Variants in GAL3ST2 observed in about 807,000 individuals in gnomAD.
GAL3ST2 encodes the protein galactose-3-O-sulfotransferase 2.
GAL3ST2 carries 16 observed loss-of-function variants against 12.9 expected under a neutral mutation model. That is an observed-to-expected ratio of 1.24 (90% CI 0.84 to 1.88). The LOEUF (loss-of-function observed/expected upper bound fraction) is 1.88. Among genes scored for constraint, GAL3ST2 ranks in the 40% most tolerant of loss-of-function variants. The pLI is 0.00. For synonymous variants in GAL3ST2, 302 were observed against 273.9 expected, an observed-to-expected ratio of 1.10 and a Z score of -1.01; for missense variants, 639 against 571.8, an observed-to-expected ratio of 1.12 and a Z score of -1.20.
In GAL3ST2 at chr2:241,804,229, G is replaced by A; in HGVS notation, c.*63G>A. 7.6e-7 allele frequency: 1 copy of A among 1,324,366 alleles called. No homozygotes were observed. The highest frequency in any genetic ancestry group is 3.1e-5 in the East Asian group (1 of 32,426). The allele number at this position is 1,324,366 out of a possible 1,614,324, so 82.0% of individuals were successfully genotyped here. A position where few individuals can be genotyped will look rare whatever the true frequency, so the allele number is the denominator to read the frequency against. On this transcript the variant is annotated 3_prime_UTR_variant, in exon 4 of 4. Transcript: ENST00000192314. ...AGCTCCTCTCTCCGCCGTCACCGGG[G>A]AGGCCGGGGATCCTTGCAGGGCTTC...
At position 241,793,720 on chromosome 2, in the gene GAL3ST2, ATGTG is replaced by A. The variant is rs1263109959; in HGVS notation, c.30-5341_30-5338del. 2.5e-4 allele frequency among the ~76,000 whole-genome samples: 37 copies of A among 150,622 alleles called. No homozygotes were observed. Among genetic ancestry groups the A allele is most frequent in the African/African-American group, 5.9e-4 (24 of 40,904 alleles). The stretch of plus-strand genomic sequence containing the variant: ...ATGTGTATGTACGTATTGTGTATGC[ATGTG>A]TGTATGTGTGTATATGTATGTGTGT... On this transcript the variant is annotated intron_variant, in intron 1 of 3. Coordinates refer to ENST00000192314, the MANE Select transcript of GAL3ST2 (RefSeq NM_022134.3). The surrounding 1 kb of genome is among the most constrained non-coding windows in gnomAD (Gnocchi z 4.7).
At position 241,802,027 on chromosome 2, in the gene GAL3ST2, C is replaced by A; in HGVS notation, c.366C>A (p.Asn122Lys). ...TCATGTGCAACCACCTGAGGTTCAACCTGCCTCAGGTACCGCGGGCCTGCT... is the reference window on the plus strand; with the variant it reads ...TCATGTGCAACCACCTGAGGTTCAAACTGCCTCAGGTACCGCGGGCCTGCT... Reference protein sequence around the residue: ...FNIMCNHLRFNLPQVQKVMPN... With the variant: ...FNIMCNHLRFKLPQVQKVMPN... The change falls in exon 3 of 4, where the codon AAC becomes AAA. Residue 122 changes from asparagine to lysine, a missense_variant. Transcript: ENST00000192314. This position sits in a 1 kb window ranked among gnomAD's most constrained non-coding sequence, Gnocchi z 4.8. The A allele has an allele frequency of 6.2e-7, 1 of 1,610,930 alleles. No individual in the cohort carries two copies. Among genetic ancestry groups the A allele is most frequent in the East Asian group, 2.2e-5 (1 of 44,798 alleles).
chr2:241,798,947 G>A (rs1487521280), intron 1 of GAL3ST2, 118 bp from the exon 2 acceptor site: 1 of 781,478 alleles, frequency 1.3e-6, no homozygotes, highest in African/African-American at 1.7e-5. Context: ...AGACGTTACA[G>A]AGGTGAGGGG....
In GAL3ST2 at chr2:241,802,224, C is replaced by CGCCT. The variant is rs1699862389; in HGVS notation, c.375+192_375+195dup. ...ACCCCTGCCCCTCCAGGCGGCCAGTCGCCTGCCGTTGCTCTTGGAATGAGA... is the reference window on the plus strand; with the variant it reads ...ACCCCTGCCCCTCCAGGCGGCCAGTCGCCTGCCTGCCGTTGCTCTTGGAATGAGA... On this transcript the variant is annotated intron_variant, in intron 3 of 3. Transcript: ENST00000192314. This position sits in a 1 kb window ranked among gnomAD's most constrained non-coding sequence, Gnocchi z 4.8. Among the ~76,000 whole-genome samples the CGCCT allele has an allele frequency of 2.0e-5, 3 of 152,160 alleles. No individual in the cohort carries two copies. Among genetic ancestry groups the CGCCT allele is most frequent in the African/African-American group, 4.8e-5 (2 of 41,432 alleles).
intron 1 of GAL3ST2, among the ~76,000 whole-genome samples, chr2:241,784,126 C>T (rs766917748): frequency 2.0e-5 from 3 of 151,814 alleles, no homozygotes; most frequent in Non-Finnish European, 2.9e-5. Context: ...CTCCGTCTCC[C>T]GGGTTCATGC....
intron 1 of GAL3ST2, among the ~76,000 whole-genome samples, chr2:241,781,142 T>C (rs187046360): frequency 1.4e-4 from 21 of 152,336 alleles, no homozygotes; most frequent in Non-Finnish European, 1.9e-4. Flanking sequence ...ACAAATATGC[T>C]TGAAATTTTG....
At chr2:241,792,744 CG>C (rs956936695) in intron 1 of GAL3ST2, among the ~76,000 whole-genome samples, 2 of 151,946 alleles carry the variant, frequency 1.3e-5, no homozygotes, top group African/African-American at 2.4e-5. Flanking sequence ...AAAGAGAAAA[CG>C]GGGGGAAATG....
intron 1 of GAL3ST2, among the ~76,000 whole-genome samples, chr2:241,783,806 A>G (rs954248554): frequency 6.6e-6 from 1 of 152,130 alleles, no homozygotes; most frequent in African/African-American, 2.4e-5. Context: ...GTTGCTTCTA[A>G]CCTCCAGGCC....
Position 241,801,339 on chromosome 2 carries a change from C to G in GAL3ST2, c.120-442C>G. 1 of 161,774 alleles carries G rather than the reference C, an allele frequency of 6.2e-6. No individual in the cohort carries two copies. 10.0% of individuals were successfully genotyped at this position (161,774 alleles called of 1,614,324 possible). ...AGTATTCCGTGGTGTAGATGTGCCA[C>G]ATTTTCTTTACGGTCTCTATGTAAC... On this transcript the variant is annotated intron_variant, in intron 2 of 3. Transcript: ENST00000192314. This position sits in a 1 kb window ranked among gnomAD's most constrained non-coding sequence, Gnocchi z 4.4.
chr2:241,779,772 G>C (rs1222291152), intron 1 of GAL3ST2, among the ~76,000 whole-genome samples: 1 of 151,460 alleles, frequency 6.6e-6, no homozygotes, highest in African/African-American at 2.4e-5. Flanking sequence ...GATCACCTGA[G>C]ATCAGGAGTT....
In GAL3ST2 at chr2:241,793,052, C is replaced by G. The variant is rs941211889; in HGVS notation, c.30-6013C>G. 6.6e-6 allele frequency among the ~76,000 whole-genome samples: 1 copy of G among 152,168 alleles called. No homozygotes were observed. Among genetic ancestry groups the G allele is most frequent in the Non-Finnish European group, 1.5e-5 (1 of 68,028 alleles). ...CGAACCAATGTTCGTCCTGCATATGCGGACTGATGTCTCATGTCTCCCTAC... is the reference window on the plus strand; with the variant it reads ...CGAACCAATGTTCGTCCTGCATATGGGGACTGATGTCTCATGTCTCCCTAC... On this transcript the variant is annotated intron_variant, in intron 1 of 3. Coordinates refer to ENST00000192314, the MANE Select transcript of GAL3ST2 (RefSeq NM_022134.3). This position sits in a 1 kb window ranked among gnomAD's most constrained non-coding sequence, Gnocchi z 4.7.
intron 1 of GAL3ST2, among the ~76,000 whole-genome samples, chr2:241,781,490 G>A (rs1699565544): frequency 6.6e-6 from 1 of 152,128 alleles, no homozygotes; most frequent in Non-Finnish European, 1.5e-5. Flanking sequence ...ACAATTGCCT[G>A]TGGATGATAA....
At chr2:241,777,036 T>TAAAACAG in intron 1 of GAL3ST2, 52 bp downstream of exon 1, 2 of 1,412,754 alleles carry the variant, frequency 1.4e-6, no homozygotes, top group Non-Finnish European at 1.9e-6. Flanking sequence ...CATCTGTGGC[T>TAAAACAG]ATTCTGAGAG....
chr2:241,789,871 A>AT (rs1559414458), intron 1 of GAL3ST2, among the ~76,000 whole-genome samples: 1 of 151,994 alleles, frequency 6.6e-6, no homozygotes, highest in Non-Finnish European at 1.5e-5. Flanking sequence ...CAAAAAAAAA[A>AT]GAAAGAAAAA....
chr2:241,786,139 T>TGTGTGTGTGTGTGTGTG (rs1553615798), intron 1 of GAL3ST2, among the ~76,000 whole-genome samples: 1,556 of 145,918 alleles, frequency 0.011, 64 homozygotes, highest in Admixed American at 0.064. Context: ...CACACACCTT[T>TGTGTGTGTGTGTGTGTG]TGTGTGTGTG....
At position 241,801,762 on chromosome 2, in the gene GAL3ST2, C is replaced by G. The variant is rs778971076; in HGVS notation, c.120-19C>G. ...GCATCTGCACCCTTGCTGAAGGCTGCGTGTGCCTTCCCTCCCAGCCTGTTT... is the reference window on the plus strand; with the variant it reads ...GCATCTGCACCCTTGCTGAAGGCTGGGTGTGCCTTCCCTCCCAGCCTGTTT... On this transcript the variant is annotated intron_variant, in intron 2 of 3. Coordinates refer to ENST00000192314, the MANE Select transcript of GAL3ST2 (RefSeq NM_022134.3). The surrounding 1 kb of genome is among the most constrained non-coding windows in gnomAD (Gnocchi z 4.4). The G allele has an allele frequency of 1.2e-6, 2 of 1,608,140 alleles. No homozygotes were observed. Among genetic ancestry groups the G allele is most frequent in the African/African-American group, 2.7e-5 (2 of 74,832 alleles).
intron 1 of GAL3ST2, among the ~76,000 whole-genome samples, chr2:241,792,433 C>T (rs947784247): frequency 2.7e-5 from 4 of 149,278 alleles, no homozygotes; most frequent in African/African-American, 9.9e-5. Context: ...AAGAAAATAA[C>T]AGCAACCTAT....
At chr2:241,778,688 G>A (rs961189401) in intron 1 of GAL3ST2, among the ~76,000 whole-genome samples, 51 of 152,134 alleles carry the variant, frequency 3.4e-4, no homozygotes, top group African/African-American at 1.2e-3. Context: ...AGCCTCAGGA[G>A]GTCCTGATGA....
chr2:241,783,635 G>A (rs559012123), intron 1 of GAL3ST2, among the ~76,000 whole-genome samples: 68 of 152,092 alleles, frequency 4.5e-4, no homozygotes, highest in African/African-American at 1.3e-3. Flanking sequence ...AAATTATGAC[G>A]TTTGTCTGCA....
Sources: allele counts gnomAD v4.1 joint callset (sites outside exome capture counted in the v4.1 genomes callset), GRCh38; gene constraint gnomAD v4.1.1; non-coding constraint Gnocchi (gnomAD v3.1); transcripts MANE v1.5; gene names NCBI Gene and HGNC (gene_info 2026-07-23, HGNC 2026-07-21).